PHYHD1: variants seen among roughly 807,000 people sequenced by gnomAD.
PHYHD1 encodes the protein phytanoyl-CoA dioxygenase domain containing 1, also known as phytanoyl-CoA dioxygenase domain-containing protein 1.
In PHYHD1, 42 loss-of-function variants were observed where a neutral mutation model predicts 43.6. The observed-to-expected ratio is 0.96, with a 90% CI of 0.75 to 1.25. The LOEUF is 1.25. Among genes scored for constraint, PHYHD1 ranks in the 50% most tolerant of loss-of-function variants. The pLI, the probability that PHYHD1 is intolerant of heterozygous loss-of-function variation, is 0.00. For missense variants in PHYHD1, 342 were observed against 370.8 expected, an observed-to-expected ratio of 0.92 and a Z score of 0.64; for synonymous variants, 139 against 143.6, an observed-to-expected ratio of 0.97 and a Z score of 0.23.
chr9:128,935,650 TC>T (rs1841406406), intron 6 of PHYHD1, among the ~76,000 whole-genome samples: 2 of 151,540 alleles, frequency 1.3e-5, no homozygotes, highest in Non-Finnish European at 2.9e-5. Flanking sequence ...ACGCCTGTAA[TC>T]CCAGCACTTT....
At chr9:128,941,596 GC>G (rs1841563897) in intron 12 of PHYHD1, 25 bp downstream of exon 12, 1 of 1,614,050 alleles carries the variant, frequency 6.2e-7, no homozygotes, top group Non-Finnish European at 8.5e-7. Context: ...GGGTGTGTGT[GC>G]CCGACAGTCC....
chr9:128,923,985 G>A (rs1335742083), intron 3 of PHYHD1, among the ~76,000 whole-genome samples: 1 of 152,146 alleles, frequency 6.6e-6, no homozygotes, highest in African/African-American at 2.4e-5. Context: ...TGGGCGTGGT[G>A]GCGCACACCT....
At chr9:128,937,012 G>A (rs1366670897) in intron 8 of PHYHD1, among the ~76,000 whole-genome samples, 2 of 152,168 alleles carry the variant, frequency 1.3e-5, no homozygotes, top group Admixed American at 6.6e-5. Flanking sequence ...CTACTCGGGA[G>A]GCTGAGGCAG....
At chr9:128,941,374 A>G (rs1446609617) in intron 11 of PHYHD1, 71 bp from the exon 12 acceptor site, 5 of 1,583,548 alleles carry the variant, frequency 3.2e-6, no homozygotes, top group Non-Finnish European at 4.3e-6. Flanking sequence ...AGGAGGGCCC[A>G]TGTCCCTTCC....
At chr9:128,937,831 C>T in intron 9 of PHYHD1, 53 bp downstream of exon 9, 1 of 1,613,628 alleles carries the variant, frequency 6.2e-7, no homozygotes, top group African/African-American at 1.3e-5. Context: ...ACATCTAAGA[C>T]AGCAATGGTT....
chr9:128,927,008 G>T, intron 3 of PHYHD1, 30 bp from the exon 4 acceptor site: 2 of 1,614,020 alleles, frequency 1.2e-6, no homozygotes, highest in Non-Finnish European at 1.7e-6. Flanking sequence ...TTGCAGACTG[G>T]GGAAGCCTGA....
At chr9:128,937,944 G>T (rs1446066583) in intron 9 of PHYHD1, 166 bp downstream of exon 9, 1 of 1,510,164 alleles carries the variant, frequency 6.6e-7, no homozygotes, top group Admixed American at 2.2e-5. Context: ...ATAGTGGATT[G>T]GTAGGGAAAC....
rs1388799078 is a variant in PHYHD1, at chr9:128,922,107, G to A, written c.-42+60G>A. 1.4e-5 allele frequency: 8 copies of A among 559,006 alleles called. No homozygotes were observed. The South Asian group carries it at 1.7e-4, about 12-fold the overall frequency. The allele number at this position is 559,006 out of a possible 1,614,324, so 34.6% of individuals were successfully genotyped here. On this transcript the variant is annotated intron_variant, in intron 2 of 12. Transcript: ENST00000372592. Reference sequence around the variant, plus strand: ...CACAGAGGAAGCAGATAAAATCCTTGGAGATGGGAAAGGGCAAATCCTGGA... The same window carrying A: ...CACAGAGGAAGCAGATAAAATCCTTAGAGATGGGAAAGGGCAAATCCTGGA...
rs1289168491 is a variant in PHYHD1 at position 128,937,786 on chromosome 9, G to A, written c.457+8G>A. On this transcript the variant is annotated splice_region_variant and intron_variant, in intron 9 of 12. Transcript: ENST00000372592. ...CTCACTTTGGCGGTGAAGGTGAGCT[G>A]AGAGCTGTGGGCCCCTGAAAAGGCC... 1 of 1,614,074 alleles carries A rather than the reference G, an allele frequency of 6.2e-7. No homozygotes were observed. Among genetic ancestry groups the A allele is most frequent in the Non-Finnish European group, 8.5e-7 (1 of 1,180,022 alleles).
Position 128,940,486 on chromosome 9 carries a change from G to A in PHYHD1, c.575G>A (p.Gly192Asp). Residue 192 changes from glycine (G) to aspartate (D), a missense_variant, in exon 10 of 13, where the codon GGC (glycine) becomes GAC (aspartate). Physicochemically the swap from Gly to Asp is moderately conservative, Grantham distance 94. Transcript: ENST00000372592. ...AACGGCTGTCTCTGGTTCATCCCTG[G>A]CTCCCACACCAGTGAGGAACCCTGT... ...LENGCLWFIP[G>D]SHTSGVSRRM... 6.2e-7 allele frequency: 1 copy of A among 1,614,094 alleles called. No homozygotes were observed. The highest frequency in any genetic ancestry group is 8.5e-7 in the Non-Finnish European group (1 of 1,180,010).
chr9:128,934,185 C>G, intron 6 of PHYHD1, 127 bp downstream of exon 6: 6 of 992,972 alleles, frequency 6.0e-6, no homozygotes, highest in Non-Finnish European at 3.0e-6. Flanking sequence ...GTCAGGAGTT[C>G]AAGACCAGTC....
intron 4 of PHYHD1, among the ~76,000 whole-genome samples, chr9:128,929,551 C>T (rs1485450752): frequency 3.3e-5 from 5 of 150,152 alleles, no homozygotes; most frequent in Admixed American, 6.6e-5. Flanking sequence ...CAGGCGCCGG[C>T]GGTCCCAGCT....
intron 4 of PHYHD1, among the ~76,000 whole-genome samples, chr9:128,928,646 T>C (rs1189590759): frequency 6.6e-6 from 1 of 151,898 alleles, no homozygotes; most frequent in Non-Finnish European, 1.5e-5. Context: ...GAGGTTGCAG[T>C]GGGCCAAGAT....
In PHYHD1 at chr9:128,940,411, T is replaced by C. The variant is rs569532899; in HGVS notation, c.500T>C (p.Leu167Pro). 1 of 1,614,184 alleles carries C rather than the reference T, an allele frequency of 6.2e-7. No individual in the cohort carries two copies. The highest frequency in any genetic ancestry group is 1.1e-5 in the South Asian group (1 of 91,084). Reference protein sequence around the residue: ...QDASFLYTEPLGRVLGVWIAV... With the variant: ...QDASFLYTEPPGRVLGVWIAV... ...GCCTCCTTCCTGTACACGGAGCCCC[T>C]GGGCCGGGTGCTGGGCGTGTGGATC... The change falls in exon 10 of 13, where the codon CTG becomes CCG. Residue 167 changes from leucine to proline, a missense_variant. Transcript: ENST00000372592.
intron 6 of PHYHD1, 139 bp from the exon 7 acceptor site, chr9:128,936,309 A>C (rs1841421157): frequency 8.5e-7 from 1 of 1,170,982 alleles, no homozygotes; most frequent in East Asian, 2.6e-5. Context: ...CCCATTACTC[A>C]GTTGTAAACA....
intron 1 of PHYHD1, 41 bp from the exon 2 acceptor site, chr9:128,921,889 C>A: frequency 5.7e-6 from 1 of 174,574 alleles, no homozygotes; most frequent in Non-Finnish European, 1.2e-5. Flanking sequence ...AGGGGGGTGC[C>A]GCACATCCCC....
chr9:128,939,578 CAAA>C (rs1288295049), intron 9 of PHYHD1, among the ~76,000 whole-genome samples: 2 of 91,464 alleles, frequency 2.2e-5, no homozygotes, highest in African/African-American at 3.4e-5. Context: ...GACTCCGTCT[CAAA>C]AAAAAAAAAA....
At position 128,928,468 on chromosome 9, in the gene PHYHD1, C is replaced by T. The variant is rs1055753953; in HGVS notation, c.192+1272C>T. Among the ~76,000 whole-genome samples, 12 of 152,068 alleles carry T rather than the reference C, an allele frequency of 7.9e-5. No individual in the cohort carries two copies. The East Asian group carries it at 1.7e-3, about 22-fold the overall frequency. On this transcript the variant is annotated intron_variant, in intron 4 of 12. Coordinates refer to ENST00000372592, the MANE Select transcript of PHYHD1 (RefSeq NM_001100876.2). Reference sequence around the variant, plus strand: ...CTGTAATCCCAGCACTTTGGGAGGCCGAGGTGGGTGGATCATCTGAGGTCA... The same window carrying T: ...CTGTAATCCCAGCACTTTGGGAGGCTGAGGTGGGTGGATCATCTGAGGTCA...
At chr9:128,928,391 G>A (rs1174011091) in intron 4 of PHYHD1, among the ~76,000 whole-genome samples, 2 of 152,158 alleles carry the variant, frequency 1.3e-5, no homozygotes, top group Middle Eastern at 3.4e-3. Context: ...TTGTGGGGTG[G>A]GAAGAAAGTG....
Sources: gnomAD v4.1 joint callset for allele counts (sites outside exome capture counted in the v4.1 genomes callset) on GRCh38, gnomAD v4.1.1 for gene constraint, MANE v1.5 for transcripts, NCBI Gene and HGNC (gene_info 2026-07-23, HGNC 2026-07-21) for gene names.